Variants in MAP3K6 observed in about 807,000 individuals in gnomAD.
MAP3K6 encodes the protein apoptosis signal-regulating kinase 2.
A neutral mutation model predicts 147.1 loss-of-function variants in MAP3K6; 105 were observed. The ratio of observed to expected loss-of-function variants is 0.71; its 90% CI spans 0.61 to 0.84. MAP3K6 has a LOEUF of 0.84. Ranked by LOEUF, MAP3K6 falls within the 40% of genes least tolerant of loss-of-function variation. MAP3K6 has a pLI of 0.00. For missense variants in MAP3K6, 1,569 were observed against 1,715.0 expected (o/e 0.91, Z 1.50); for synonymous variants, 695 against 732.4 (o/e 0.95, Z 0.82).
chr1:27,365,040 A>G, intron 1 of MAP3K6, 128 bp from the exon 2 acceptor site: 1 of 1,009,338 alleles, frequency 9.9e-7, no homozygotes, highest in Non-Finnish European at 1.4e-6. Flanking sequence ...TTTGGGCTTC[A>G]GTCGGCCCTT....
At chr1:27,357,167 G>A in intron 23 of MAP3K6, 53 bp from the exon 24 acceptor site, 1 of 1,527,370 alleles carries the variant, frequency 6.5e-7, no homozygotes, top group South Asian at 1.1e-5. Flanking sequence ...CTAGAGGCAG[G>A]GCTTGAGTTG....
At position 27,355,473 on chromosome 1, in the gene MAP3K6, G is replaced by T. The variant is rs760605085; in HGVS notation, c.3789-4C>A. 1.2e-6 allele frequency: 2 copies of T among 1,613,992 alleles called. No homozygotes were observed. Among genetic ancestry groups the T allele is most frequent in the Non-Finnish European group, 8.5e-7 (1 of 1,179,934 alleles). ...GATGCGGCATACCATCCCTCCCCTG[G>T]GGGTAATGGACTCAGTGTGGCTCAG... On this transcript the variant is annotated splice_region_variant and splice_polypyrimidine_tract_variant and intron_variant, in intron 28 of 28. Coordinates refer to ENST00000357582, the MANE Select transcript of MAP3K6 (RefSeq NM_004672.5).
rs1481676437 is a variant in MAP3K6 at position 27,362,225 on chromosome 1, G to A, written c.1281C>T (p.Ala427=). The A allele has an allele frequency of 1.2e-6, 2 of 1,612,650 alleles. No homozygotes were observed. The highest frequency in any genetic ancestry group is 1.7e-5 in the Admixed American group (1 of 59,968). ...LIGMKLGCLL[A]RKGCVEKMQY... ...GCATCTTCTCCACGCAGCCTTTGCG[G>A]GCCAGCAGGCAGCCCAGCTTCATGC... The change falls in exon 9 of 29, where the codon GCC becomes GCT. Residue 427 remains alanine, a synonymous_variant. Coordinates refer to ENST00000357582, the MANE Select transcript of MAP3K6 (RefSeq NM_004672.5).
Position 27,366,155 on chromosome 1 carries a change from C to A in MAP3K6, c.340+103G>T. On this transcript the variant is annotated intron_variant, in intron 1 of 28. Transcript: ENST00000357582. This position sits in a 1 kb window ranked among gnomAD's most constrained non-coding sequence, Gnocchi z 5.5. Reference sequence around the variant, plus strand: ...TAGCTCACTTTAAGTCCCCTAGACCCGGTACCCCTCTCGGCCCCTCCCTTG... The same window carrying A: ...TAGCTCACTTTAAGTCCCCTAGACCAGGTACCCCTCTCGGCCCCTCCCTTG... 8.6e-7 allele frequency: 1 copy of A among 1,163,970 alleles called. No homozygotes were observed. The allele number at this position is 1,163,970 out of a possible 1,614,324, so 72.1% of individuals were successfully genotyped here. A position where few individuals can be genotyped will look rare whatever the true frequency, so the allele number is the denominator to read the frequency against.
At chr1:27,365,172 G>A (rs1045766442) in intron 1 of MAP3K6, among the ~76,000 whole-genome samples, 1 of 152,208 alleles carries the variant, frequency 6.6e-6, no homozygotes, top group Non-Finnish European at 1.5e-5. Flanking sequence ...TGGCATGGGG[G>A]AAGGGAGGCT....
In MAP3K6 at chr1:27,358,766, C is replaced by T. The variant is rs747479862; in HGVS notation, c.2526G>A (p.Met842Ile). ...CGTGGAAGGGGGGGCGACCTGTGGCCATCTCAATGACAGTGCAGCCCAGTG... is the reference window on the plus strand; with the variant it reads ...CGTGGAAGGGGGGGCGACCTGTGGCTATCTCAATGACAGTGCAGCCCAGTG... ...IWSLGCTVIE[M>I]ATGRPPFHEL... is the part of the protein sequence containing the mutation. Residue 842 changes from methionine (M) to isoleucine (I), a missense_variant, in exon 19 of 29, where the codon ATG (methionine) becomes ATA (isoleucine). Physicochemically the swap from Met to Ile is conservative, Grantham distance 10. Transcript: ENST00000357582. This position sits in a 1 kb window ranked among gnomAD's most constrained non-coding sequence, Gnocchi z 6.2. 1 of 1,614,018 alleles carries T rather than the reference C, an allele frequency of 6.2e-7. No homozygotes were observed. Among genetic ancestry groups the T allele is most frequent in the South Asian group, 1.1e-5 (1 of 91,080 alleles).
intron 13 of MAP3K6, 59 bp downstream of exon 13, chr1:27,361,098 C>A: frequency 6.5e-7 from 1 of 1,542,058 alleles, no homozygotes; most frequent in Non-Finnish European, 8.8e-7. Flanking sequence ...CTTTCTTTCC[C>A]CCACTCCCCC....
At position 27,366,241 on chromosome 1, in the gene MAP3K6, G is replaced by A; in HGVS notation, c.340+17C>T. The A allele has an allele frequency of 7.7e-7, 1 of 1,303,430 alleles. No individual in the cohort carries two copies. Among genetic ancestry groups the A allele is most frequent in the South Asian group, 2.2e-5 (1 of 46,160 alleles). The allele number at this position is 1,303,430 out of a possible 1,614,324, so 80.7% of individuals were successfully genotyped here. ...CTGAGTCCCGCCCGGATCCGGCCCCGCCCCCAGCGCTCTCACCCGCGTTGT... is the reference window on the plus strand; with the variant it reads ...CTGAGTCCCGCCCGGATCCGGCCCCACCCCCAGCGCTCTCACCCGCGTTGT... On this transcript the variant is annotated intron_variant, in intron 1 of 28. Coordinates refer to ENST00000357582, the MANE Select transcript of MAP3K6 (RefSeq NM_004672.5). The surrounding 1 kb of genome is among the most constrained non-coding windows in gnomAD (Gnocchi z 5.5).
At position 27,360,358 on chromosome 1, in the gene MAP3K6, G is replaced by C. The variant is rs2015701913; in HGVS notation, c.2065C>G (p.Pro689Ala). Reference sequence around the variant, plus strand: ...TGAAGAGCGATCTCTTCATGCAGGGGCTGAGAGAACCTGAGGGGAGGTAAG... The same window carrying C: ...TGAAGAGCGATCTCTTCATGCAGGGCCTGAGAGAACCTGAGGGGAGGTAAG... The part of the protein sequence containing the change: ...IPERDSRFSQ[P>A]LHEEIALHRR... Residue 689 changes from proline to alanine, a missense_variant, in exon 16 of 29, where the codon CCC becomes GCC. Pro to Ala is a conservative substitution (Grantham distance 27). Coordinates refer to ENST00000357582, the MANE Select transcript of MAP3K6 (RefSeq NM_004672.5). The surrounding 1 kb of genome is among the most constrained non-coding windows in gnomAD (Gnocchi z 4.5). The C allele has an allele frequency of 1.9e-6, 3 of 1,613,620 alleles. No individual in the cohort carries two copies. The highest frequency in any genetic ancestry group is 1.7e-4 in the Middle Eastern group (1 of 5,916).
chr1:27,358,963 T>C lies in MAP3K6; in HGVS notation c.2426-97A>G, dbSNP rs372981457. On this transcript the variant is annotated intron_variant, in intron 18 of 28. Transcript: ENST00000357582. This position sits in a 1 kb window ranked among gnomAD's most constrained non-coding sequence, Gnocchi z 6.2. ...GTCATCCTCAGGCCGACTGCACCCA[T>C]ACTGAACCTATCATCCAAAATATAC... 16 of 1,247,680 alleles carry C rather than the reference T, an allele frequency of 1.3e-5. No individual in the cohort carries two copies. The South Asian group carries it at 2.2e-4, about 17-fold the overall frequency. 77.3% of individuals were successfully genotyped at this position (1,247,680 alleles called of 1,614,324 possible).
Position 27,357,059 on chromosome 1 carries a change from T to C in MAP3K6, c.3314A>G (p.Asp1105Gly). The change falls in exon 24 of 29, where the codon GAC becomes GGC. Residue 1105 changes from aspartate to glycine, a missense_variant. Asp to Gly is a moderately conservative substitution (Grantham distance 94). Coordinates refer to ENST00000357582, the MANE Select transcript of MAP3K6 (RefSeq NM_004672.5). ...CCGCACAGCACGGCTGAGCAGTGAG[T>C]CCAGAACGAACATCCAGTGTGGACG... ...QIRPHWMFVL[D>G]SLLSRAVRAA... is the part of the protein sequence containing the mutation. The C allele has an allele frequency of 6.2e-7, 1 of 1,613,940 alleles. No individual in the cohort carries two copies. The highest frequency in any genetic ancestry group is 8.5e-7 in the Non-Finnish European group (1 of 1,179,990).
rs766735737 is a variant in MAP3K6, at chr1:27,357,798, G to A, written c.2994C>T (p.Ser998=). 3 of 1,608,214 alleles carry A rather than the reference G, an allele frequency of 1.9e-6. No homozygotes were observed. Among genetic ancestry groups the A allele is most frequent in the Non-Finnish European group, 2.5e-6 (3 of 1,178,536 alleles). The part of the protein sequence containing the change: ...SSGLSLLHQE[S]KRRAMLAAVL... ...CTGCGGCCAGCATGGCCCGACGCTT[G>A]CTCTCCTGGTGCAGCAGGCTCAGCC... The change falls in exon 22 of 29, where the codon AGC becomes AGT. Residue 998 remains serine, a synonymous_variant. Transcript: ENST00000357582.
At position 27,357,419 on chromosome 1, in the gene MAP3K6, A is replaced by T. The variant is rs777951273; in HGVS notation, c.3239T>A (p.Leu1080Gln). Reference sequence around the variant, plus strand: ...CCTCACCGCATCCGGGAAGGCAAACAGCGGTCTGTGCAGAAGCGCAGGCCC... The same window carrying T: ...CCTCACCGCATCCGGGAAGGCAAACTGCGGTCTGTGCAGAAGCGCAGGCCC... ...GLGPALLHRP[L>Q]FAFPDAVKQI... Residue 1080 changes from leucine (L) to glutamine (Q), a missense_variant, in exon 23 of 29, where the codon CTG becomes CAG. Leu to Gln is a moderately radical substitution (Grantham distance 113, BLOSUM62 -2). Coordinates refer to ENST00000357582, the MANE Select transcript of MAP3K6 (RefSeq NM_004672.5). 3.8e-6 allele frequency: 6 copies of T among 1,594,024 alleles called. No homozygotes were observed. The highest frequency in any genetic ancestry group is 3.5e-5 in the Admixed American group (2 of 57,674).
rs1253871234 is a variant in MAP3K6 at position 27,355,471 on chromosome 1, TG to T, written c.3789-3del. On this transcript the variant is annotated splice_polypyrimidine_tract_variant and splice_region_variant and intron_variant, in intron 28 of 28. Transcript: ENST00000357582. Reference sequence around the variant, plus strand: ...CAGATGCGGCATACCATCCCTCCCCTGGGGGTAATGGACTCAGTGTGGCTCA... The same window carrying T: ...CAGATGCGGCATACCATCCCTCCCCTGGGGTAATGGACTCAGTGTGGCTCA... The T allele has an allele frequency of 8.7e-6, 14 of 1,613,830 alleles. No homozygotes were observed. The highest frequency in any genetic ancestry group is 1.2e-5 in the Non-Finnish European group (14 of 1,179,912).
rs1279155743 is a variant in MAP3K6, at chr1:27,355,717, G to A, written c.3740C>T (p.Thr1247Ile). The part of the protein sequence containing the change: ...MLLNHSFTLH[T>I]LLTYATRDDL... ...ATCTCGAGTGGCATAGGTGAGCAGA[G>A]TGTGGAGGGTGAAGCTATGGTTCAA... Residue 1247 changes from threonine to isoleucine, a missense_variant, in exon 28 of 29, where the codon ACT becomes ATT. Physicochemically the swap from Thr to Ile is moderately conservative, Grantham distance 89. Transcript: ENST00000357582. The A allele has an allele frequency of 6.2e-7, 1 of 1,613,928 alleles. No homozygotes were observed. The highest frequency in any genetic ancestry group is 2.2e-5 in the East Asian group (1 of 44,904).
At position 27,362,995 on chromosome 1, in the gene MAP3K6, T is replaced by A; in HGVS notation, c.998A>T (p.Lys333Met). ...CAGCGGCAGCAGCACAGACAGGGCC[T>A]TCGCCCGGTCCCCAGGCCTGTTCCT... ...NRRNRPGDRA[K>M]ALSVLLPLVQ... Residue 333 changes from lysine to methionine, a missense_variant, in exon 7 of 29, where the codon AAG becomes ATG. Coordinates refer to ENST00000357582, the MANE Select transcript of MAP3K6 (RefSeq NM_004672.5). The A allele has an allele frequency of 6.2e-7, 1 of 1,613,890 alleles. No homozygotes were observed. Among genetic ancestry groups the A allele is most frequent in the Non-Finnish European group, 8.5e-7 (1 of 1,179,956 alleles).
In MAP3K6 at chr1:27,359,531, C is replaced by G. The variant is rs1052506077; in HGVS notation, c.2320-9G>C. ...ATCAGCACATTGTCCCCCTGATTGACAGCCATTAGTGGACACTGGTCTGGG... is the reference window on the plus strand; with the variant it reads ...ATCAGCACATTGTCCCCCTGATTGAGAGCCATTAGTGGACACTGGTCTGGG... On this transcript the variant is annotated splice_polypyrimidine_tract_variant and intron_variant, in intron 17 of 28. Coordinates refer to ENST00000357582, the MANE Select transcript of MAP3K6 (RefSeq NM_004672.5). The surrounding 1 kb of genome is among the most constrained non-coding windows in gnomAD (Gnocchi z 4.4). The G allele has an allele frequency of 1.2e-6, 2 of 1,613,966 alleles. No homozygotes were observed. The highest frequency in any genetic ancestry group is 2.2e-5 in the East Asian group (1 of 44,892).
chr1:27,364,127 G>A lies in MAP3K6; in HGVS notation c.696-42C>T. 6.2e-7 allele frequency: 1 copy of A among 1,601,920 alleles called. No individual in the cohort carries two copies. The highest frequency in any genetic ancestry group is 2.2e-5 in the East Asian group (1 of 44,682). On this transcript the variant is annotated intron_variant, in intron 4 of 28. Transcript: ENST00000357582. This position sits in a 1 kb window ranked among gnomAD's most constrained non-coding sequence, Gnocchi z 4.4. ...GGGAGGCAGGGAGAGAGAATGGTGGGGCCTGTACCTCAGCCCCAGCCCACC... is the reference window on the plus strand; with the variant it reads ...GGGAGGCAGGGAGAGAGAATGGTGGAGCCTGTACCTCAGCCCCAGCCCACC...
In MAP3K6 at chr1:27,366,237, C is replaced by T. The variant is rs2015975716; in HGVS notation, c.340+21G>A. 1.5e-6 allele frequency: 2 copies of T among 1,302,222 alleles called. No individual in the cohort carries two copies. Among genetic ancestry groups the T allele is most frequent in the Non-Finnish European group, 9.7e-7 (1 of 1,027,204 alleles). 80.7% of individuals were successfully genotyped at this position (1,302,222 alleles called of 1,614,324 possible). ...GACCCTGAGTCCCGCCCGGATCCGG[C>T]CCCGCCCCCAGCGCTCTCACCCGCG... On this transcript the variant is annotated intron_variant, in intron 1 of 28. Transcript: ENST00000357582. The surrounding 1 kb of genome is among the most constrained non-coding windows in gnomAD (Gnocchi z 5.5).
Sources: gnomAD v4.1 joint callset for allele counts (sites outside exome capture counted in the v4.1 genomes callset) on GRCh38, gnomAD v4.1.1 for gene constraint, Gnocchi (gnomAD v3.1) non-coding constraint, MANE v1.5 for transcripts, NCBI Gene and HGNC (gene_info 2026-07-23, HGNC 2026-07-21) for gene names.